The following HEPACAM2 variants were observed in gnomAD, a reference collection of about 807,000 sequenced individuals.
The protein encoded by HEPACAM2 is mitotic kinetics regulator.
Under a neutral mutation model 49.6 loss-of-function variants are expected in HEPACAM2, and 49 were observed. The ratio of observed to expected loss-of-function variants is 0.99; its 90% CI spans 0.78 to 1.25. The LOEUF is 1.25. HEPACAM2 is among the 50% of genes most tolerant of loss of function. The pLI, the probability that HEPACAM2 is intolerant of heterozygous loss-of-function variation, is 0.00. For synonymous variants in HEPACAM2, 197 were observed against 202.9 expected (o/e 0.97, Z 0.25); for missense variants, 525 against 557.2 (o/e 0.94, Z 0.58).
At position 93,208,888 on chromosome 7, in the gene HEPACAM2, TA is replaced by T. The variant is rs78714737; in HGVS notation, c.716-13del. Reference sequence around the variant, plus strand: ...TCCATAAGGTCCATCTGCATCAATATAAAAAAAAATAGATAAGTAACACAAG... The same window carrying T: ...TCCATAAGGTCCATCTGCATCAATATAAAAAAAATAGATAAGTAACACAAG... On this transcript the variant is annotated splice_polypyrimidine_tract_variant and intron_variant, in intron 3 of 9. Coordinates refer to ENST00000394468, the MANE Select transcript of HEPACAM2 (RefSeq NM_001039372.4). 912 of 1,502,680 alleles carry T rather than the reference TA, an allele frequency of 6.1e-4. No homozygotes were observed. Among genetic ancestry groups the T allele is most frequent in the African/African-American group, 8.4e-4 (59 of 70,450 alleles). The allele number at this position is 1,502,680 out of a possible 1,614,324, so 93.1% of individuals were successfully genotyped here. A position where few individuals can be genotyped will look rare whatever the true frequency, so the allele number is the denominator to read the frequency against.
chr7:93,202,661 G>A (rs1793925361), intron 4 of HEPACAM2, among the ~76,000 whole-genome samples: 1 of 152,120 alleles, frequency 6.6e-6, no homozygotes, highest in Non-Finnish European at 1.5e-5. Context: ...TTTGCAATGT[G>A]CTTTACCATC....
Position 93,197,629 on chromosome 7 carries a change from A to G in HEPACAM2, c.1013-19T>C, listed in dbSNP as rs1194942530. ...TCCAGTCCTAAATAAAAAGATAAAC[A>G]TATTTTTAGCAATAAATTGCTACAG... On this transcript the variant is annotated intron_variant, in intron 4 of 9. Coordinates refer to ENST00000394468, the MANE Select transcript of HEPACAM2 (RefSeq NM_001039372.4). 1.3e-6 allele frequency: 2 copies of G among 1,543,932 alleles called. No individual in the cohort carries two copies. The highest frequency in any genetic ancestry group is 1.7e-6 in the Non-Finnish European group (2 of 1,146,330).
upstream of HEPACAM2, among the ~76,000 whole-genome samples, chr7:93,230,091 A>G (rs969438247): frequency 6.6e-6 from 1 of 152,216 alleles, no homozygotes. Flanking sequence ...GGAGTAAAAC[A>G]AAGTTTCAAT....
At chr7:93,227,940 C>T (rs1794567426), upstream of HEPACAM2, among the ~76,000 whole-genome samples, 1 of 152,122 alleles carries the variant, frequency 6.6e-6, no homozygotes, top group African/African-American at 2.4e-5. Flanking sequence ...CTCCTTGGCC[C>T]GTCTTACGAT....
chr7:93,225,303 G>T (rs1003526650), intron 1 of HEPACAM2, among the ~76,000 whole-genome samples: 4 of 151,902 alleles, frequency 2.6e-5, no homozygotes, highest in African/African-American at 9.7e-5. Flanking sequence ...TCTATTATAG[G>T]CTTAAATTTG....
Position 93,219,441 on chromosome 7 carries a change from C to T in HEPACAM2, c.90G>A (p.Ser30=), listed in dbSNP as rs375176875. The change falls in exon 2 of 10, where the codon TCG becomes TCA. Residue 30 remains serine (S), a synonymous_variant. Coordinates refer to ENST00000394468, the MANE Select transcript of HEPACAM2 (RefSeq NM_001039372.4). ...GTGATGGCACTGTCACCTTCAGCCC[C>T]GAGCAAGCACCTGTTGCAAAGGAAA... The part of the protein sequence containing the change: ...KIYLLLFGAC[S]GLKVTVPSHT... 5.9e-5 allele frequency: 95 copies of T among 1,613,740 alleles called. No individual in the cohort carries two copies. Among genetic ancestry groups the T allele is most frequent in the African/African-American group, 9.3e-5 (7 of 74,878 alleles).
intron 4 of HEPACAM2, among the ~76,000 whole-genome samples, chr7:93,202,031 C>CCAAAAAAAAAAAAAAAAA (rs1793901798): frequency 6.6e-4 from 15 of 22,732 alleles, no homozygotes; most frequent in Non-Finnish European, 8.8e-4. Flanking sequence ...AAAAAAAAAA[C>CCAAAAAAAAAAAAAAAAA]CAAAAAAAAA....
At chr7:93,204,968 C>T (rs1793992111) in intron 4 of HEPACAM2, among the ~76,000 whole-genome samples, 1 of 151,920 alleles carries the variant, frequency 6.6e-6, no homozygotes, top group Non-Finnish European at 1.5e-5. Flanking sequence ...GGCATGGTGG[C>T]ACGTGCCTTT....
At chr7:93,225,352 C>T (rs1480293224) in intron 1 of HEPACAM2, among the ~76,000 whole-genome samples, 3 of 152,022 alleles carry the variant, frequency 2.0e-5, no homozygotes, top group African/African-American at 7.2e-5. Context: ...AATCACAACT[C>T]TGGGAAACTC....
intron 4 of HEPACAM2, among the ~76,000 whole-genome samples, chr7:93,203,916 GAC>G (rs1210578960): frequency 6.6e-6 from 1 of 152,228 alleles, no homozygotes; most frequent in East Asian, 1.9e-4. Flanking sequence ...CCCACTGACA[GAC>G]ACAGTTGTTC....
intron 1 of HEPACAM2, among the ~76,000 whole-genome samples, chr7:93,221,431 C>A (rs1422634303): frequency 6.6e-6 from 1 of 152,136 alleles, no homozygotes; most frequent in East Asian, 1.9e-4. Context: ...GTAGAAAGAT[C>A]TGTTTGCCTT....
chr7:93,211,154 C>A (rs930455432), intron 3 of HEPACAM2, among the ~76,000 whole-genome samples: 1 of 152,106 alleles, frequency 6.6e-6, no homozygotes. Context: ...AATAGATTAT[C>A]TTCAGCTAGA....
chr7:93,225,287 CAAA>C (rs1233764025), intron 1 of HEPACAM2, among the ~76,000 whole-genome samples: 2 of 151,816 alleles, frequency 1.3e-5, no homozygotes, highest in Admixed American at 1.3e-4. Context: ...TTTTAGAAAA[CAAA>C]AATCTATTAT....
intron 3 of HEPACAM2, 24 bp downstream of exon 3, chr7:93,215,377 T>C: frequency 1.9e-6 from 3 of 1,600,056 alleles, no homozygotes; most frequent in Non-Finnish European, 2.6e-6. Flanking sequence ...AAACAACTCA[T>C]GAGTTAAAAA....
intron 4 of HEPACAM2, 110 bp from the exon 5 acceptor site, chr7:93,197,720 C>T (rs1435949221): frequency 5.5e-6 from 4 of 726,126 alleles, no homozygotes; most frequent in Non-Finnish European, 8.8e-6. Context: ...TATATAAACA[C>T]GTATATTAGA....
rs139778626 is a variant in HEPACAM2 at position 93,219,397 on chromosome 7, C to A, written c.134G>T (p.Arg45Ile). 5.6e-6 allele frequency: 9 copies of A among 1,613,856 alleles called. No homozygotes were observed. In the African/African-American group the frequency reaches 1.2e-4, roughly 22 times the overall value. ...GACGGGTAGGTAGAGGGCCTGACCT[C>A]TGACGCCATGGACAGTGTGTGATGG... ...TVPSHTVHGV[R>I]GQALYLPVHY... The change falls in exon 2 of 10, where the codon AGA becomes ATA. Residue 45 changes from arginine (R) to isoleucine (I), a missense_variant. Physicochemically the swap from Arg to Ile is moderately conservative, Grantham distance 97. Transcript: ENST00000394468.
chr7:93,230,001 G>A (rs1794595979), upstream of HEPACAM2, among the ~76,000 whole-genome samples: 1 of 152,098 alleles, frequency 6.6e-6, no homozygotes, highest in African/African-American at 2.4e-5. Context: ...TATAGTTATA[G>A]CCTTAAAACA....
At chr7:93,231,575 G>T in the HEPACAM2 span, among the ~76,000 whole-genome samples, 1 of 152,148 alleles carries the variant, frequency 6.6e-6, no homozygotes, top group African/African-American at 2.4e-5. Flanking sequence ...TAGCTTTAGG[G>T]CTGCTTTTTC....
intron 1 of HEPACAM2, among the ~76,000 whole-genome samples, chr7:93,220,655 T>G (rs973779452): frequency 6.6e-6 from 1 of 152,194 alleles, no homozygotes; most frequent in Non-Finnish European, 1.5e-5. Flanking sequence ...GAGAGGGCCT[T>G]GGGGCATGGA....
Sources: gnomAD v4.1 joint callset for allele counts (sites outside exome capture counted in the v4.1 genomes callset) on GRCh38, gnomAD v4.1.1 for gene constraint, MANE v1.5 for transcripts, NCBI Gene and HGNC (gene_info 2026-07-23, HGNC 2026-07-21) for gene names.